The following MEIS1 variants were observed in gnomAD, a reference collection of about 807,000 sequenced individuals.
MEIS1 encodes the protein Meis homeobox 1.
In MEIS1, 5 loss-of-function variants were observed where a neutral mutation model predicts 50.8. The observed-to-expected ratio is 0.10, with a 90% CI of 0.05 to 0.21. The LOEUF is 0.21. Among genes scored for constraint, MEIS1 ranks in the 10% least tolerant of loss-of-function variants. The pLI, the probability that MEIS1 is intolerant of heterozygous loss-of-function variation, is 1.00. For synonymous variants in MEIS1, 176 were observed against 179.3 expected, an observed-to-expected ratio of 0.98 and a Z score of 0.15; for missense variants, 318 against 517.3, an observed-to-expected ratio of 0.61 and a Z score of 3.74.
At chr2:66,462,599 C>A (rs532435509) in intron 6 of MEIS1, among the ~76,000 whole-genome samples, 11 of 152,264 alleles carry the variant, frequency 7.2e-5, no homozygotes, top group Non-Finnish European at 1.3e-4. Context: ...AACAAGTCCC[C>A]CTTTTAGAGC....
chr2:66,479,903 G>T (rs1182375943), intron 7 of MEIS1, among the ~76,000 whole-genome samples: 1 of 152,148 alleles, frequency 6.6e-6, no homozygotes, highest in East Asian at 1.9e-4. Flanking sequence ...TTCCTTCAGA[G>T]GAGAGGTGCT....
At chr2:66,450,568 G>A (rs538347184) in intron 6 of MEIS1, among the ~76,000 whole-genome samples, 4 of 152,116 alleles carry the variant, frequency 2.6e-5, no homozygotes, top group Non-Finnish European at 4.4e-5. Context: ...ACAAATATTA[G>A]CAACTGTTAT....
intron 6 of MEIS1, among the ~76,000 whole-genome samples, chr2:66,460,878 T>G (rs549615209): frequency 6.6e-6 from 1 of 152,240 alleles, no homozygotes; most frequent in East Asian, 1.9e-4. Flanking sequence ...AACCCTATCC[T>G]TTGGGAAAAA....
chr2:66,435,897 C>A (rs1313627215), intron 1 of MEIS1, 29 bp downstream of exon 1: 1 of 1,546,760 alleles, frequency 6.5e-7, no homozygotes, highest in Non-Finnish European at 8.7e-7. Context: ...TTGTGGAACT[C>A]AAATGTGAGA....
chr2:66,511,832 C>G (rs937805777), intron 7 of MEIS1, among the ~76,000 whole-genome samples: 1 of 137,780 alleles, frequency 7.3e-6, no homozygotes, highest in Non-Finnish European at 1.6e-5. Flanking sequence ...GTAGGAGTTA[C>G]ACTTAACCTG....
intron 7 of MEIS1, among the ~76,000 whole-genome samples, chr2:66,507,271 A>C (rs1673706115): frequency 6.6e-6 from 1 of 152,190 alleles, no homozygotes; most frequent in South Asian, 2.1e-4. Context: ...TTTTGGGATT[A>C]AACACTGTTC....
At chr2:66,454,261 G>A (rs1672338562) in intron 6 of MEIS1, among the ~76,000 whole-genome samples, 1 of 152,060 alleles carries the variant, frequency 6.6e-6, no homozygotes, top group Non-Finnish European at 1.5e-5. Flanking sequence ...ATGGAGGAAG[G>A]ATTGGGTGCT....
intron 6 of MEIS1, among the ~76,000 whole-genome samples, chr2:66,452,986 A>G (rs1012996521): frequency 5.3e-5 from 8 of 151,954 alleles, no homozygotes; most frequent in African/African-American, 1.9e-4. Flanking sequence ...AAAGGCAGTA[A>G]CAATCTGCAT....
At chr2:66,446,782 A>G (rs1672159868) in intron 6 of MEIS1, among the ~76,000 whole-genome samples, 1 of 152,024 alleles carries the variant, frequency 6.6e-6, no homozygotes, top group Non-Finnish European at 1.5e-5. Flanking sequence ...CTCCCGGGGG[A>G]CGGCCGCCGG....
intron 7 of MEIS1, among the ~76,000 whole-genome samples, chr2:66,511,235 A>T (rs7579466): frequency 0.3 from 46,156 of 152,044 alleles, 7,189 homozygotes; most frequent in East Asian, 0.38. Context: ...TATGGGTTAA[A>T]TTTTTATTTT....
At chr2:66,450,298 G>A (rs1672248237) in intron 6 of MEIS1, among the ~76,000 whole-genome samples, 1 of 152,024 alleles carries the variant, frequency 6.6e-6, no homozygotes, top group Non-Finnish European at 1.5e-5. Context: ...AACCTTGAGT[G>A]TGTAATGTTA....
At chr2:66,570,866 C>G in intron 12 of MEIS1, 1 of 201,956 alleles carries the variant, frequency 5.0e-6, no homozygotes, top group Non-Finnish European at 9.8e-6. Context: ...CTTAGTGAGC[C>G]TGTGTAGTTC....
At chr2:66,469,427 C>G (rs551528058) in intron 7 of MEIS1, among the ~76,000 whole-genome samples, 1 of 152,144 alleles carries the variant, frequency 6.6e-6, no homozygotes, top group South Asian at 2.1e-4. Flanking sequence ...GCAGGCAGAG[C>G]GGCCTGAGAG....
At chr2:66,439,149 C>A in intron 2 of MEIS1, 1 of 327,754 alleles carries the variant, frequency 3.1e-6, no homozygotes, top group South Asian at 1.2e-4. Flanking sequence ...ATACTAGCTG[C>A]TTTGCCACTT....
chr2:66,462,907 A>C (rs1227766683), intron 6 of MEIS1, among the ~76,000 whole-genome samples: 1 of 152,130 alleles, frequency 6.6e-6, no homozygotes, highest in Admixed American at 6.5e-5. Flanking sequence ...TTATAGAATA[A>C]GTGACAGTGA....
intron 8 of MEIS1, among the ~76,000 whole-genome samples, chr2:66,524,398 C>T (rs1028536816): frequency 6.6e-6 from 1 of 151,730 alleles, no homozygotes; most frequent in African/African-American, 2.4e-5. Flanking sequence ...CCCATCTCTA[C>T]AAAAAGTTAA....
chr2:66,439,664 A>C (rs769275663), intron 2 of MEIS1, 179 bp from the exon 3 acceptor site: 2 of 1,538,922 alleles, frequency 1.3e-6, no homozygotes, highest in South Asian at 2.4e-5. Flanking sequence ...CTCCAGGAGG[A>C]AGGGGAGGTG....
chr2:66,494,008 GA>G (rs1045800947), intron 7 of MEIS1, among the ~76,000 whole-genome samples: 3 of 151,776 alleles, frequency 2.0e-5, no homozygotes, highest in Non-Finnish European at 4.4e-5. Flanking sequence ...ATTGTTTCCT[GA>G]AAAAAAAGTC....
intron 1 of MEIS1, among the ~76,000 whole-genome samples, chr2:66,436,609 A>T (rs1468629878): frequency 1.3e-5 from 2 of 152,230 alleles, no homozygotes; most frequent in Non-Finnish European, 2.9e-5. Flanking sequence ...TGGCCCTCAA[A>T]GCCCTGTTTG....
Sources: allele counts gnomAD v4.1 joint callset (sites outside exome capture counted in the v4.1 genomes callset), GRCh38; gene constraint gnomAD v4.1.1; transcripts MANE v1.5; gene names NCBI Gene and HGNC (gene_info 2026-07-23, HGNC 2026-07-21).